The following ADAM22 variants were observed in gnomAD, a reference collection of about 807,000 sequenced individuals.
The protein encoded by ADAM22 is disintegrin and metalloproteinase domain-containing protein 22.
In ADAM22, 65 loss-of-function variants were observed where a neutral mutation model predicts 144.6. The ratio of observed to expected loss-of-function variants is 0.45; its 90% CI spans 0.37 to 0.55. The LOEUF is 0.55. Among genes scored for constraint, ADAM22 ranks in the 20% least tolerant of loss-of-function variants. The pLI is 0.00. For synonymous variants in ADAM22, 391 were observed against 412.6 expected, an observed-to-expected ratio of 0.95 and a Z score of 0.63; for missense variants, 974 against 1,184.9, an observed-to-expected ratio of 0.82 and a Z score of 2.61.
At chr7:88,037,850 T>G (rs1801893207) in intron 3 of ADAM22, among the ~76,000 whole-genome samples, 1 of 152,212 alleles carries the variant, frequency 6.6e-6, no homozygotes, top group South Asian at 2.1e-4. Flanking sequence ...TATAGCCATA[T>G]GTACTATCTC....
intron 29 of ADAM22, among the ~76,000 whole-genome samples, chr7:88,182,692 G>A (rs1847380538): frequency 6.6e-6 from 1 of 152,054 alleles, no homozygotes; most frequent in South Asian, 2.1e-4. Flanking sequence ...TTATAATGAA[G>A]TAAATAATGT....
intron 3 of ADAM22, among the ~76,000 whole-genome samples, chr7:87,985,494 C>T (rs1788256795): frequency 6.6e-6 from 1 of 151,980 alleles, no homozygotes; most frequent in Non-Finnish European, 1.5e-5. Flanking sequence ...ATTCCTGGTC[C>T]CAGCCCAATG....
At chr7:88,126,745 C>G (rs930535678) in intron 8 of ADAM22, among the ~76,000 whole-genome samples, 1 of 151,824 alleles carries the variant, frequency 6.6e-6, no homozygotes, top group Admixed American at 6.6e-5. Flanking sequence ...CTGAAATGCT[C>G]CAGTGAGCAT....
At chr7:88,139,769 G>A (rs747157791) in intron 14 of ADAM22, among the ~76,000 whole-genome samples, 2 of 152,156 alleles carry the variant, frequency 1.3e-5, no homozygotes, top group Non-Finnish European at 2.9e-5. Context: ...TATAAGCATA[G>A]GGTAATGAGG....
At chr7:88,089,244 G>C (rs1819209614) in intron 4 of ADAM22, among the ~76,000 whole-genome samples, 1 of 151,998 alleles carries the variant, frequency 6.6e-6, no homozygotes, top group African/African-American at 2.4e-5. Flanking sequence ...AGAGTAAGAA[G>C]AGTAAGCAAT....
chr7:88,019,723 A>T (rs1199768737), intron 3 of ADAM22, among the ~76,000 whole-genome samples: 1 of 145,940 alleles, frequency 6.9e-6, no homozygotes, highest in Non-Finnish European at 1.5e-5. Flanking sequence ...TGTGGTGCGC[A>T]CCTGTAATCC....
At chr7:88,037,240 A>G (rs1049767429) in intron 3 of ADAM22, among the ~76,000 whole-genome samples, 5 of 152,110 alleles carry the variant, frequency 3.3e-5, no homozygotes. Context: ...AGTGGATTTG[A>G]GATGTTTTTG....
intron 3 of ADAM22, among the ~76,000 whole-genome samples, chr7:88,013,162 T>G (rs1462505582): frequency 6.6e-6 from 1 of 152,198 alleles, no homozygotes; most frequent in Admixed American, 6.5e-5. Context: ...TTCCACCAAT[T>G]TATAGCATCC....
At chr7:88,032,138 A>G (rs1194996984) in intron 3 of ADAM22, among the ~76,000 whole-genome samples, 3 of 152,228 alleles carry the variant, frequency 2.0e-5, no homozygotes, top group Non-Finnish European at 4.4e-5. Flanking sequence ...AGCTCTGAGA[A>G]GAAGGCCACC....
chr7:88,029,849 A>G (rs920577800), intron 3 of ADAM22, among the ~76,000 whole-genome samples: 3 of 149,254 alleles, frequency 2.0e-5, no homozygotes, highest in African/African-American at 4.8e-5. Context: ...TGCCAGGCAT[A>G]TTGGAACTTC....
At chr7:87,988,103 C>G (rs2129450962) in intron 3 of ADAM22, among the ~76,000 whole-genome samples, 1 of 152,250 alleles carries the variant, frequency 6.6e-6, no homozygotes, top group East Asian at 1.9e-4. Flanking sequence ...TTAACAGTGA[C>G]TATTTAAATG....
chr7:88,063,852 C>T (rs1165027332), intron 3 of ADAM22, among the ~76,000 whole-genome samples: 1 of 152,164 alleles, frequency 6.6e-6, no homozygotes, highest in Non-Finnish European at 1.5e-5. Context: ...AAATCCAAAC[C>T]ATCAATCAAA....
intron 4 of ADAM22, among the ~76,000 whole-genome samples, chr7:88,091,604 C>G (rs1449673558): frequency 1.3e-5 from 2 of 152,090 alleles, no homozygotes; most frequent in Non-Finnish European, 2.9e-5. Context: ...ATTTTATCCC[C>G]AAGTAATACC....
At chr7:87,975,178 A>G (rs1315061801) in intron 2 of ADAM22, among the ~76,000 whole-genome samples, 1 of 152,136 alleles carries the variant, frequency 6.6e-6, no homozygotes, top group African/African-American at 2.4e-5. Flanking sequence ...CTCCTTCTGG[A>G]GGCCTTCTGA....
chr7:88,192,838 TTATC>T (rs1849912031), intron 30 of ADAM22, among the ~76,000 whole-genome samples: 1 of 152,246 alleles, frequency 6.6e-6, no homozygotes, highest in South Asian at 2.1e-4. Context: ...TTTTAGCTTT[TTATC>T]TATTCTATAG....
At chr7:88,078,030 C>G (rs373059492) in intron 4 of ADAM22, among the ~76,000 whole-genome samples, 1 of 152,360 alleles carries the variant, frequency 6.6e-6, no homozygotes. Context: ...GATCTGAGAA[C>G]GGGCAGAATG....
rs536956951 is a variant in ADAM22, at chr7:88,078,598, A to C, written c.390+2906A>C. On this transcript the variant is annotated intron_variant, in intron 4 of 31. Coordinates refer to ENST00000413139, the MANE Select transcript of ADAM22 (RefSeq NM_001324418.2). ...AATGGCAAAGAAGTTAAAAACTTTG[A>C]AAAAAAATTAGACGAATGGATAACT... is the stretch of plus-strand genomic sequence containing the variant. Among the ~76,000 whole-genome samples the C allele has an allele frequency of 7.9e-5, 12 of 151,582 alleles. No individual in the cohort carries two copies. The East Asian group carries it at 2.3e-3, about 29-fold the overall frequency.
chr7:88,086,642 C>T (rs894903562), intron 4 of ADAM22, among the ~76,000 whole-genome samples: 5 of 152,128 alleles, frequency 3.3e-5, no homozygotes, highest in South Asian at 4.1e-4. Context: ...ATGATTGACA[C>T]GGACTTCTAA....
intron 3 of ADAM22, among the ~76,000 whole-genome samples, chr7:88,042,939 T>C (rs893570657): frequency 3.3e-5 from 5 of 151,198 alleles, no homozygotes; most frequent in African/African-American, 1.2e-4. Flanking sequence ...AGGAAAGAAA[T>C]ACACCATAGC....
Sources: gnomAD v4.1 joint callset for allele counts (sites outside exome capture counted in the v4.1 genomes callset) on GRCh38, gnomAD v4.1.1 for gene constraint, MANE v1.5 for transcripts, NCBI Gene and HGNC (gene_info 2026-07-23, HGNC 2026-07-21) for gene names.